The following SH2B3 variants were observed in gnomAD, a reference collection of about 807,000 sequenced individuals.
SH2B3 encodes the protein SH2B adaptor protein 3.
A neutral mutation model predicts 51.9 loss-of-function variants in SH2B3; 43 were observed. That is an observed-to-expected ratio of 0.83 (90% CI 0.65 to 1.07). SH2B3 has a LOEUF of 1.07. SH2B3 is among the 50% of genes least tolerant of loss of function. The pLI is 0.00. For missense variants in SH2B3, 952 were observed against 834.3 expected (o/e 1.14, Z -1.74); for synonymous variants, 396 against 376.0 (o/e 1.05, Z -0.62).
At chr12:111,434,971 C>G in intron 2 of SH2B3, 1 of 1,535,542 alleles carries the variant, frequency 6.5e-7, no homozygotes, top group African/African-American at 1.4e-5. Flanking sequence ...GCTGGGAGCC[C>G]CTCCACCCCA....
At chr12:111,412,033 A>G (rs1408751285) in intron 1 of SH2B3, among the ~76,000 whole-genome samples, 3 of 152,092 alleles carry the variant, frequency 2.0e-5, no homozygotes, top group African/African-American at 7.2e-5. Flanking sequence ...CTGTGCTGGG[A>G]TAGAAGTGTC....
rs146584688 is a variant in SH2B3, at chr12:111,447,820, A to G, written c.1401A>G (p.Gln467=). ...RLSSYVVVVS[Q]PPGSCNTVLF... is the part of the protein sequence containing the mutation. Reference sequence around the variant, plus strand: ...CCAGCTACGTGGTAGTCGTCTCCCAACCACCAGGTCTGACCCTACTGCCCT... The same window carrying G: ...CCAGCTACGTGGTAGTCGTCTCCCAGCCACCAGGTCTGACCCTACTGCCCT... Residue 467 remains glutamine (Q), a synonymous_variant, in exon 7 of 8, where the codon CAA becomes CAG. Coordinates refer to ENST00000341259, the MANE Select transcript of SH2B3 (RefSeq NM_005475.3). The G allele has an allele frequency of 1.2e-4, 188 of 1,613,682 alleles. No homozygotes were observed. The Middle Eastern group carries it at 1.2e-3, about 10-fold the overall frequency.
chr12:111,430,933 T>G (rs940389579), intron 2 of SH2B3, among the ~76,000 whole-genome samples: 3 of 149,814 alleles, frequency 2.0e-5, no homozygotes, highest in Non-Finnish European at 4.4e-5. Flanking sequence ...CTGGCCCCAT[T>G]GGCGCTGCTG....
chr12:111,433,439 G>T (rs748710853), intron 2 of SH2B3, among the ~76,000 whole-genome samples: 1 of 152,168 alleles, frequency 6.6e-6, no homozygotes, highest in Admixed American at 6.5e-5. Context: ...CACCATCATT[G>T]CGTGAGAGGA....
chr12:111,434,648 TAGAA>T, intron 2 of SH2B3: 1 of 366,032 alleles, frequency 2.7e-6, no homozygotes, highest in African/African-American at 2.2e-5. Flanking sequence ...TTTTTTACCT[TAGAA>T]AGGCCTTTCC....
In SH2B3 at chr12:111,448,381, TTTCC is replaced by T. The variant is rs1874272205; in HGVS notation, c.*88_*91del. The T allele has an allele frequency of 9.3e-7, 1 of 1,071,402 alleles. No individual in the cohort carries two copies. The allele number at this position is 1,071,402 out of a possible 1,614,324, so 66.4% of individuals were successfully genotyped here. ...TGTGAACTTGTGAATGTAATTGATC[TTTCC>T]TTCCTTCCAGAGAAAGATTTAAGGG... On this transcript the variant is annotated 3_prime_UTR_variant, in exon 8 of 8. Transcript: ENST00000341259.
At chr12:111,442,892 C>G (rs1248614728) in intron 2 of SH2B3, among the ~76,000 whole-genome samples, 1 of 152,230 alleles carries the variant, frequency 6.6e-6, no homozygotes, top group Non-Finnish European at 1.5e-5. Flanking sequence ...CCTGCCCCGA[C>G]TTGCCTGTCT....
Position 111,448,677 on chromosome 12 carries a change from T to G in SH2B3, c.*375T>G. The G allele has an allele frequency of 4.6e-6, 1 of 215,138 alleles. No homozygotes were observed. Among genetic ancestry groups the G allele is most frequent in the Non-Finnish European group, 9.5e-6 (1 of 105,650 alleles). 13.3% of individuals were successfully genotyped at this position (215,138 alleles called of 1,614,324 possible). Reference sequence around the variant, plus strand: ...CACTGTCACAGCGGATGACAGACTTTCTACGGGGAGGAGGGGGGGATCATC... The same window carrying G: ...CACTGTCACAGCGGATGACAGACTTGCTACGGGGAGGAGGGGGGGATCATC... On this transcript the variant is annotated 3_prime_UTR_variant, in exon 8 of 8. Transcript: ENST00000341259.
rs1870562611 is a variant in SH2B3, at chr12:111,409,969, C to T, written c.-28+3692C>T. ...GATTTTTCCTCCCACGCCACCCTGT[C>T]AGGGGTCGGCCAGCAGGGCCGGGCC... On this transcript the variant is annotated intron_variant, in intron 1 of 7. Coordinates refer to ENST00000341259, the MANE Select transcript of SH2B3 (RefSeq NM_005475.3). This position sits in a 1 kb window ranked among gnomAD's most constrained non-coding sequence, Gnocchi z 4.0. 6.6e-6 allele frequency among the ~76,000 whole-genome samples: 1 copy of T among 152,224 alleles called. No individual in the cohort carries two copies. The highest frequency in any genetic ancestry group is 2.4e-5 in the African/African-American group (1 of 41,460).
chr12:111,445,597 T>G (rs1873872365), intron 2 of SH2B3, among the ~76,000 whole-genome samples: 1 of 152,250 alleles, frequency 6.6e-6, no homozygotes, highest in Non-Finnish European at 1.5e-5. Flanking sequence ...TGGTCATTCC[T>G]GCAGTCATTA....
chr12:111,434,711 C>T, intron 2 of SH2B3: 1 of 899,234 alleles, frequency 1.1e-6, no homozygotes, highest in Non-Finnish European at 1.3e-6. Flanking sequence ...CTAGTTCTGT[C>T]TTGGTTTCCT....
intron 2 of SH2B3, chr12:111,443,598 G>T (rs995047683): frequency 6.6e-6 from 1 of 152,234 alleles, no homozygotes; most frequent in Admixed American, 6.5e-5. Context: ...TTTATTGCAG[G>T]ATGGTAAGGG....
At chr12:111,444,390 TAACA>T (rs1057234855) in intron 2 of SH2B3, among the ~76,000 whole-genome samples, 15 of 152,250 alleles carry the variant, frequency 9.9e-5, no homozygotes, top group African/African-American at 3.6e-4. Context: ...ACAGTGGCCA[TAACA>T]AACAGAAGCC....
intron 2 of SH2B3, among the ~76,000 whole-genome samples, chr12:111,441,907 C>A (rs1407716065): frequency 1.3e-5 from 2 of 152,062 alleles, no homozygotes; most frequent in Admixed American, 6.5e-5. Flanking sequence ...TCTAACCTGA[C>A]TAAAATCATT....
rs1870314570 is a variant in SH2B3 at position 111,407,182 on chromosome 12, C to T, written c.-28+905C>T. Among the ~76,000 whole-genome samples, 1 of 152,356 alleles carries T rather than the reference C, an allele frequency of 6.6e-6. No homozygotes were observed. The highest frequency in any genetic ancestry group is 1.5e-5 in the Non-Finnish European group (1 of 68,036). On this transcript the variant is annotated intron_variant, in intron 1 of 7. Coordinates refer to ENST00000341259, the MANE Select transcript of SH2B3 (RefSeq NM_005475.3). The surrounding 1 kb of genome is among the most constrained non-coding windows in gnomAD (Gnocchi z 4.3). The stretch of plus-strand genomic sequence containing the variant: ...TTCTCCTGTTTCTCTTCCCCATTCC[C>T]AGCCACAATGATGTAGGTGAGGAGG...
Position 111,406,507 on chromosome 12 carries a change from G to T in SH2B3, c.-28+230G>T, listed in dbSNP as rs529856983. On this transcript the variant is annotated intron_variant, in intron 1 of 7. Transcript: ENST00000341259. The surrounding 1 kb of genome is among the most constrained non-coding windows in gnomAD (Gnocchi z 5.7). ...ACACACGTGTTAGGGAGAGCGTTGG[G>T]GTAACTGAGGCCGTGGGATGGGGGA... Among the ~76,000 whole-genome samples, 5 of 152,200 alleles carry T rather than the reference G, an allele frequency of 3.3e-5. No homozygotes were observed. Among genetic ancestry groups the T allele is most frequent in the Non-Finnish European group, 1.5e-5 (1 of 68,024 alleles).
chr12:111,447,247 T>C (rs1375958352), intron 5 of SH2B3, 28 bp downstream of exon 5: 1 of 1,594,238 alleles, frequency 6.3e-7, no homozygotes, highest in South Asian at 1.1e-5. Context: ...TAGGCCATTG[T>C]CTTCTGGGTA....
intron 1 of SH2B3, among the ~76,000 whole-genome samples, chr12:111,415,265 T>A (rs559595086): frequency 1.3e-5 from 2 of 152,308 alleles, no homozygotes; most frequent in Admixed American, 6.5e-5. Flanking sequence ...GGAGAGCATT[T>A]CTTCTCCATC....
intron 7 of SH2B3, 36 bp downstream of exon 7, chr12:111,447,863 T>G (rs1429377694): frequency 6.2e-7 from 1 of 1,602,306 alleles, no homozygotes; most frequent in Non-Finnish European, 8.5e-7. Flanking sequence ...AGGGGGTGGC[T>G]GACACTGGGT....
Sources: allele counts gnomAD v4.1 joint callset (sites outside exome capture counted in the v4.1 genomes callset), GRCh38; gene constraint gnomAD v4.1.1; non-coding constraint Gnocchi (gnomAD v3.1); transcripts MANE v1.5; gene names NCBI Gene and HGNC (gene_info 2026-07-23, HGNC 2026-07-21).